BTBD9: variants seen among roughly 807,000 people sequenced by gnomAD.
BTBD9 encodes BTB domain containing 9, also known as BTB/POZ domain-containing protein 9.
In BTBD9, 49 loss-of-function variants were observed where a neutral mutation model predicts 64.3. That is an observed-to-expected ratio of 0.76 (90% CI 0.61 to 0.97). The LOEUF (loss-of-function observed/expected upper bound fraction) is 0.97. Among genes scored for constraint, BTBD9 ranks in the 50% least tolerant of loss-of-function variants. The pLI, the probability that BTBD9 is intolerant of heterozygous loss-of-function variation, is 0.00. For synonymous variants in BTBD9, 260 were observed against 274.7 expected, an observed-to-expected ratio of 0.95 and a Z score of 0.53; for missense variants, 598 against 762.1, an observed-to-expected ratio of 0.78 and a Z score of 2.53.
At chr6:38,625,235 T>C (rs1021868884) in intron 1 of BTBD9, among the ~76,000 whole-genome samples, 1 of 152,222 alleles carries the variant, frequency 6.6e-6, no homozygotes, top group South Asian at 2.1e-4. Context: ...ATCTGTGAAG[T>C]TGGCCACAGT....
At chr6:38,448,196 C>T (rs542410676) in intron 6 of BTBD9, among the ~76,000 whole-genome samples, 10 of 151,778 alleles carry the variant, frequency 6.6e-5, no homozygotes, top group Non-Finnish European at 1.3e-4. Context: ...ATCACTTTGT[C>T]CCACCTGAAA....
At chr6:38,261,761 A>G (rs1437950454) in intron 8 of BTBD9, among the ~76,000 whole-genome samples, 2 of 152,200 alleles carry the variant, frequency 1.3e-5, no homozygotes, top group African/African-American at 4.8e-5. Context: ...TGGTTGAGAC[A>G]TCCTCTCTCT....
Position 38,580,310 on chromosome 6 carries a change from A to G in BTBD9, c.942T>C (p.Ile314=), listed in dbSNP as rs1280186147. ...DLDHGFSRHP[I]DDDCRSGIEI... ...CGATGCCGGAACGGCAGTCATCATCAATTGGGTGCCTTGAAAATCCATGAT... is the reference window on the plus strand; with the variant it reads ...CGATGCCGGAACGGCAGTCATCATCGATTGGGTGCCTTGAAAATCCATGAT... The change falls in exon 5 of 11, where the codon ATT becomes ATC. Residue 314 remains isoleucine (I), a synonymous_variant. Coordinates refer to ENST00000481247, the MANE Select transcript of BTBD9 (RefSeq NM_001099272.2). 2.5e-6 allele frequency: 4 copies of G among 1,614,270 alleles called. No individual in the cohort carries two copies. In the South Asian group the frequency reaches 4.4e-5, roughly 18 times the overall value.
chr6:38,575,583 G>C (rs1355783022), intron 6 of BTBD9, among the ~76,000 whole-genome samples: 1 of 152,072 alleles, frequency 6.6e-6, no homozygotes, highest in Non-Finnish European at 1.5e-5. Context: ...GAAACACCAA[G>C]ACATCCTCAG....
chr6:38,493,008 A>G (rs1385161196), intron 6 of BTBD9, among the ~76,000 whole-genome samples: 1 of 152,228 alleles, frequency 6.6e-6, no homozygotes, highest in East Asian at 1.9e-4. Flanking sequence ...TCCATTCAAT[A>G]CTACTCATTA....
intron 2 of BTBD9, among the ~76,000 whole-genome samples, chr6:38,595,540 A>G (rs1009705939): frequency 4.6e-5 from 7 of 152,206 alleles, no homozygotes; most frequent in African/African-American, 1.7e-4. Context: ...GAAGTGCAGA[A>G]AAGGGAGAGA....
chr6:38,302,087 C>T (rs1000640745), intron 7 of BTBD9, among the ~76,000 whole-genome samples: 1 of 152,124 alleles, frequency 6.6e-6, no homozygotes, highest in East Asian at 1.9e-4. Context: ...TCAGCATCTT[C>T]AGGATATATC....
intron 6 of BTBD9, among the ~76,000 whole-genome samples, chr6:38,540,064 C>A (rs1582600665): frequency 6.6e-6 from 1 of 152,154 alleles, no homozygotes; most frequent in South Asian, 2.1e-4. Flanking sequence ...ACATGACAAT[C>A]ATAAGCACTT....
intron 6 of BTBD9, among the ~76,000 whole-genome samples, chr6:38,402,247 T>C (rs1347607650): frequency 1.3e-5 from 2 of 152,186 alleles, no homozygotes; most frequent in Non-Finnish European, 2.9e-5. Flanking sequence ...AGATTTAATA[T>C]GTTAAGGTGA....
At chr6:38,383,727 G>T (rs1450106603) in intron 6 of BTBD9, among the ~76,000 whole-genome samples, 2 of 152,196 alleles carry the variant, frequency 1.3e-5, no homozygotes, top group African/African-American at 4.8e-5. Flanking sequence ...GTTGCCAGAA[G>T]AACTGGTAAC....
At chr6:38,281,724 C>T (rs1424295763) in intron 8 of BTBD9, among the ~76,000 whole-genome samples, 1 of 152,092 alleles carries the variant, frequency 6.6e-6, no homozygotes, top group African/African-American at 2.4e-5. Flanking sequence ...GTGTCATTAA[C>T]TTCTTAATAC....
At chr6:38,607,587 G>C (rs1159883965) in intron 1 of BTBD9, among the ~76,000 whole-genome samples, 1 of 150,800 alleles carries the variant, frequency 6.6e-6, no homozygotes, top group African/African-American at 2.4e-5. Context: ...AACACTATGA[G>C]ATCTTCTGCT....
rs572929950 is a variant in BTBD9, at chr6:38,365,618, C to T, written c.1155-20525G>A. Among the ~76,000 whole-genome samples the T allele has an allele frequency of 1.6e-4, 24 of 151,978 alleles. No individual in the cohort carries two copies. In the South Asian group the frequency reaches 4.2e-3, roughly 26 times the overall value. On this transcript the variant is annotated intron_variant, in intron 6 of 10. Coordinates refer to ENST00000481247, the MANE Select transcript of BTBD9 (RefSeq NM_001099272.2). ...TTTAAAAATAAGAAAATTTGCAGGG[C>T]GTGGTGGCACACGCCTATAATCCCA...
At position 38,227,556 on chromosome 6, in the gene BTBD9, C is replaced by T. The variant is rs193010906; in HGVS notation, c.1562+28853G>A. On this transcript the variant is annotated intron_variant, in intron 9 of 10. Coordinates refer to ENST00000481247, the MANE Select transcript of BTBD9 (RefSeq NM_001099272.2). The stretch of plus-strand genomic sequence containing the variant: ...GAAGGTGATCAGAAAGTGGCTGGGA[C>T]GGCAGGGCTGGCTGGCCACAGTGGC... 1.6e-4 allele frequency among the ~76,000 whole-genome samples: 25 copies of T among 152,256 alleles called. No individual in the cohort carries two copies. In the East Asian group the frequency reaches 3.3e-3, roughly 20 times the overall value.
chr6:38,185,980 C>T lies in BTBD9; in HGVS notation c.1641+6539G>A, dbSNP rs143697732. Among the ~76,000 whole-genome samples, 393 of 152,276 alleles carry T rather than the reference C, an allele frequency of 2.6e-3. 5 individuals are homozygous for T. Among genetic ancestry groups the T allele is most frequent in the African/African-American group, 9.0e-3 (374 of 41,548 alleles). On this transcript the variant is annotated intron_variant, in intron 10 of 10. Coordinates refer to ENST00000481247, the MANE Select transcript of BTBD9 (RefSeq NM_001099272.2). ...GTTGGGTACAGGATGAACAAGGCTG[C>T]GGTGACAGCATCCTCACTCCTGCCT...
chr6:38,598,187 A>T lies in BTBD9; in HGVS notation c.-27-66T>A, dbSNP rs1777116814. On this transcript the variant is annotated intron_variant, in intron 1 of 10. Transcript: ENST00000481247. ...GAGTACACATAGAAAATCACTTACCATAAACACAGCTAAGTAAAAATTTAA... is the reference window on the plus strand; with the variant it reads ...GAGTACACATAGAAAATCACTTACCTTAAACACAGCTAAGTAAAAATTTAA... The T allele has an allele frequency of 2.5e-5, 31 of 1,241,070 alleles. No individual in the cohort carries two copies. The South Asian group carries it at 4.7e-4, about 19-fold the overall frequency. 76.9% of individuals were successfully genotyped at this position (1,241,070 alleles called of 1,614,324 possible).
At chr6:38,214,168 A>G (rs1762931948) in intron 9 of BTBD9, among the ~76,000 whole-genome samples, 1 of 152,140 alleles carries the variant, frequency 6.6e-6, no homozygotes, top group Non-Finnish European at 1.5e-5. Flanking sequence ...TGTTCTCTCC[A>G]AGGCCCCTCA....
intron 6 of BTBD9, among the ~76,000 whole-genome samples, chr6:38,345,448 C>A (rs2127590135): frequency 6.6e-6 from 1 of 152,312 alleles, no homozygotes; most frequent in South Asian, 2.1e-4. Flanking sequence ...TCTGCTCTTG[C>A]CTTGTGGTTA....
At chr6:38,426,695 T>C (rs542224771) in intron 6 of BTBD9, among the ~76,000 whole-genome samples, 17 of 152,062 alleles carry the variant, frequency 1.1e-4, no homozygotes, top group Middle Eastern at 3.4e-3. Flanking sequence ...TTCGTCCTAA[T>C]TGAGCTGAAC....
Sources: allele counts gnomAD v4.1 joint callset (sites outside exome capture counted in the v4.1 genomes callset), GRCh38; gene constraint gnomAD v4.1.1; transcripts MANE v1.5; gene names NCBI Gene and HGNC (gene_info 2026-07-23, HGNC 2026-07-21).